Variants in LIPC observed in about 807,000 individuals in gnomAD.
The protein encoded by LIPC is hepatic triacylglycerol lipase.
A neutral mutation model predicts 50.7 loss-of-function variants in LIPC; 44 were observed. The observed-to-expected ratio is 0.87, with a 90% CI of 0.68 to 1.11. The LOEUF (loss-of-function observed/expected upper bound fraction) is 1.11. Ranked by LOEUF, LIPC falls within the 50% of genes most tolerant of loss-of-function variation. The pLI, the probability that LIPC is intolerant of heterozygous loss-of-function variation, is 0.00. For synonymous variants in LIPC, 271 were observed against 256.4 expected, an observed-to-expected ratio of 1.06 and a Z score of -0.54; for missense variants, 697 against 648.2, an observed-to-expected ratio of 1.08 and a Z score of -0.82.
At chr15:58,526,348 A>G (rs1325980323) in intron 1 of LIPC, among the ~76,000 whole-genome samples, 1 of 152,248 alleles carries the variant, frequency 6.6e-6, no homozygotes, top group African/African-American at 2.4e-5. Context: ...CCTCATTAGC[A>G]GAGAGTGTTA....
At chr15:58,475,734 C>T (rs1204017350) in intron 1 of LIPC, among the ~76,000 whole-genome samples, 1 of 152,216 alleles carries the variant, frequency 6.6e-6, no homozygotes, top group Non-Finnish European at 1.5e-5. Flanking sequence ...ACAAAGGGAG[C>T]CACTGAGAGA....
chr15:58,533,259 T>C (rs1266208087), intron 1 of LIPC: 1 of 694,924 alleles, frequency 1.4e-6, no homozygotes, highest in Non-Finnish European at 1.8e-6. Flanking sequence ...AGCTAAAGCA[T>C]ATCCTTTCCT....
chr15:58,507,418 A>C (rs1892187319), intron 1 of LIPC, among the ~76,000 whole-genome samples: 1 of 152,240 alleles, frequency 6.6e-6, no homozygotes, highest in African/African-American at 2.4e-5. Flanking sequence ...CATGCAAATA[A>C]GAAAATTCCT....
At chr15:58,562,542 G>A (rs1894200408) in intron 7 of LIPC, among the ~76,000 whole-genome samples, 1 of 152,104 alleles carries the variant, frequency 6.6e-6, no homozygotes, top group Non-Finnish European at 1.5e-5. Context: ...CCCTCAGCAT[G>A]GACTCTCCCT....
At chr15:58,559,461 C>T (rs1266290574) in intron 6 of LIPC, among the ~76,000 whole-genome samples, 4 of 152,166 alleles carry the variant, frequency 2.6e-5, no homozygotes, top group African/African-American at 4.8e-5. Flanking sequence ...TTTCCCAAAC[C>T]AGACACTCAT....
intron 5 of LIPC, 109 bp from the exon 6 acceptor site, chr15:58,548,221 T>C (rs2140926975): frequency 6.9e-7 from 1 of 1,449,008 alleles, no homozygotes; most frequent in South Asian, 1.2e-5. Flanking sequence ...CCCTTGCCTG[T>C]TCTGTGTGCT....
Position 58,543,013 on chromosome 15 carries a change from T to C in LIPC, c.574+362T>C, listed in dbSNP as rs369924239. 2.1e-3 allele frequency among the ~76,000 whole-genome samples: 325 copies of C among 152,340 alleles called. 12 individuals carry two copies. The South Asian group carries it at 0.061, about 29-fold the overall frequency. On this transcript the variant is annotated intron_variant, in intron 4 of 8. Coordinates refer to ENST00000299022, the MANE Select transcript of LIPC (RefSeq NM_000236.3). ...AAGGAGTGAAGAATCACAGCCTTAA[T>C]TTGCTGTAATTCATCAGCCACGTTA...
At chr15:58,531,344 G>A (rs1566940553) in intron 1 of LIPC, among the ~76,000 whole-genome samples, 1 of 152,100 alleles carries the variant, frequency 6.6e-6, no homozygotes. Flanking sequence ...TATGACCTCG[G>A]AAGGACTTTA....
At chr15:58,433,639 C>T (rs1317927598) in intron 1 of LIPC, among the ~76,000 whole-genome samples, 1 of 152,162 alleles carries the variant, frequency 6.6e-6, no homozygotes, top group Non-Finnish European at 1.5e-5. Context: ...GCAATGGAGC[C>T]ATGGGAATTG....
At chr15:58,457,146 G>A in intron 1 of LIPC, among the ~76,000 whole-genome samples, 1 of 152,180 alleles carries the variant, frequency 6.6e-6, no homozygotes, top group East Asian at 1.9e-4. Context: ...TTTCACTCTT[G>A]TTGCCCAGAA....
intron 8 of LIPC, 21 bp downstream of exon 8, chr15:58,563,744 C>T: frequency 6.3e-7 from 1 of 1,598,436 alleles, no homozygotes; most frequent in South Asian, 1.1e-5. Context: ...ATTCAATCTC[C>T]TATTAACGTC....
chr15:58,565,165 C>A, intron 8 of LIPC: 3 of 1,531,454 alleles, frequency 2.0e-6, no homozygotes, highest in Non-Finnish European at 2.6e-6. Context: ...GCATACTCTG[C>A]CGTCTGCCAA....
chr15:58,486,708 G>A (rs1171729657), intron 1 of LIPC, among the ~76,000 whole-genome samples: 1 of 152,222 alleles, frequency 6.6e-6, no homozygotes, highest in Non-Finnish European at 1.5e-5. Flanking sequence ...AAGACACAGG[G>A]CCTGAGAATA....
chr15:58,441,531 C>T (rs187777), intron 1 of LIPC, among the ~76,000 whole-genome samples: 39,835 of 151,944 alleles, frequency 0.26, 7,260 homozygotes, highest in East Asian at 0.6. Flanking sequence ...AAACATTCAC[C>T]ATCCGCGGAC....
Position 58,445,937 on chromosome 15 carries a change from G to A in LIPC, c.88+13817G>A, listed in dbSNP as rs113301689. Among the ~76,000 whole-genome samples the A allele has an allele frequency of 8.9e-3, 1,363 of 152,312 alleles. 23 individuals carry two copies. Among genetic ancestry groups the A allele is most frequent in the African/African-American group, 0.031 (1,284 of 41,558 alleles). ...ACCCGATTCATATGCTACTCCCAGT[G>A]TTTTTCTCTACTTTTTATTACAAAA... On this transcript the variant is annotated intron_variant, in intron 1 of 8. Transcript: ENST00000299022.
intron 1 of LIPC, among the ~76,000 whole-genome samples, chr15:58,471,134 CTTT>C (rs34225435): frequency 2.6e-5 from 3 of 114,644 alleles, no homozygotes; most frequent in Non-Finnish European, 3.6e-5. Flanking sequence ...TTTCTTTTCT[CTTT>C]TTTTTTTTTT....
intron 2 of LIPC, among the ~76,000 whole-genome samples, chr15:58,538,739 G>C (rs1893226138): frequency 6.6e-6 from 1 of 152,096 alleles, no homozygotes; most frequent in East Asian, 1.9e-4. Context: ...TTATCTCCAT[G>C]TTTCAGATAG....
chr15:58,506,969 G>A (rs1056695288), intron 1 of LIPC, among the ~76,000 whole-genome samples: 1 of 152,222 alleles, frequency 6.6e-6, no homozygotes, highest in Admixed American at 6.5e-5. Flanking sequence ...TGGCAACAAG[G>A]AGAAATGCCC....
At chr15:58,440,352 G>A (rs59562231) in intron 1 of LIPC, among the ~76,000 whole-genome samples, 6,653 of 152,220 alleles carry the variant, frequency 0.044, 297 homozygotes, top group African/African-American at 0.11. Context: ...TGACCTTTCC[G>A]TGACTGCCAA....
Sources: allele counts gnomAD v4.1 joint callset (sites outside exome capture counted in the v4.1 genomes callset), GRCh38; gene constraint gnomAD v4.1.1; transcripts MANE v1.5; gene names NCBI Gene and HGNC (gene_info 2026-07-23, HGNC 2026-07-21).